WDR72: variants seen among roughly 807,000 people sequenced by gnomAD.
The protein encoded by WDR72 is WD repeat domain 72.
A neutral mutation model predicts 124.2 loss-of-function variants in WDR72; 120 were observed. That is an observed-to-expected ratio of 0.97 (90% CI 0.83 to 1.12). WDR72 has a LOEUF of 1.12. Among genes scored for constraint, WDR72 ranks in the 50% most tolerant of loss-of-function variants. The pLI, the probability that WDR72 is intolerant of heterozygous loss-of-function variation, is 0.00. For missense variants in WDR72, 1,387 were observed against 1,278.8 expected, an observed-to-expected ratio of 1.08 and a Z score of -1.29; for synonymous variants, 452 against 441.7, an observed-to-expected ratio of 1.02 and a Z score of -0.29.
At chr15:53,518,651 C>T (rs1399082139) in intron 19 of WDR72, among the ~76,000 whole-genome samples, 3 of 151,826 alleles carry the variant, frequency 2.0e-5, no homozygotes, top group African/African-American at 7.3e-5. Context: ...ACACATTCCA[C>T]ATTTTTTCTG....
At chr15:53,522,006 C>A (rs779543664) in intron 19 of WDR72, among the ~76,000 whole-genome samples, 24 of 151,920 alleles carry the variant, frequency 1.6e-4, no homozygotes, top group Non-Finnish European at 2.8e-4. Context: ...GCTAAAGATG[C>A]CATTTCTCAG....
At chr15:53,686,262 T>G (rs1233538075) in intron 13 of WDR72, among the ~76,000 whole-genome samples, 1 of 152,014 alleles carries the variant, frequency 6.6e-6, no homozygotes, top group Non-Finnish European at 1.5e-5. Context: ...AGACACAGAC[T>G]GGCAAATTGG....
At chr15:53,534,263 G>A (rs574291131) in intron 18 of WDR72, among the ~76,000 whole-genome samples, 10 of 152,042 alleles carry the variant, frequency 6.6e-5, no homozygotes, top group Non-Finnish European at 1.5e-4. Context: ...TACTTTATTT[G>A]CACTGAATGT....
intron 18 of WDR72, among the ~76,000 whole-genome samples, chr15:53,573,945 C>G (rs923097302): frequency 6.6e-6 from 1 of 152,184 alleles, no homozygotes; most frequent in Non-Finnish European, 1.5e-5. Context: ...GGATATTAAA[C>G]ATATCCTCTG....
intron 2 of WDR72, among the ~76,000 whole-genome samples, chr15:53,725,770 T>C (rs2018005308): frequency 1.3e-5 from 2 of 152,090 alleles, no homozygotes; most frequent in Non-Finnish European, 2.9e-5. Context: ...AATAAAAACA[T>C]TAGTGGTTGT....
chr15:53,694,715 A>C (rs2016949582), intron 13 of WDR72, among the ~76,000 whole-genome samples: 1 of 152,180 alleles, frequency 6.6e-6, no homozygotes, highest in African/African-American at 2.4e-5. Flanking sequence ...GGACCTTCAA[A>C]CTCACAAAAC....
intron 13 of WDR72, among the ~76,000 whole-genome samples, chr15:53,671,964 A>T (rs2016005339): frequency 6.7e-6 from 1 of 148,888 alleles, no homozygotes; most frequent in Non-Finnish European, 1.5e-5. Context: ...GAGAGGAGAG[A>T]TGGGGAGAAG....
At chr15:53,611,708 C>T (rs1414606292) in intron 16 of WDR72, among the ~76,000 whole-genome samples, 1 of 151,500 alleles carries the variant, frequency 6.6e-6, no homozygotes, top group East Asian at 1.9e-4. Flanking sequence ...TAGCTGTTTG[C>T]CTATGAGTCA....
chr15:53,726,859 C>T (rs1399150488), intron 2 of WDR72, among the ~76,000 whole-genome samples: 2 of 151,456 alleles, frequency 1.3e-5, no homozygotes, highest in Non-Finnish European at 2.9e-5. Context: ...AAAACAAACA[C>T]CCAATTTTAA....
At position 53,536,362 on chromosome 15, in the gene WDR72, T is replaced by C. The variant is rs560090846; in HGVS notation, c.3149-13040A>G. Among the ~76,000 whole-genome samples, 29 of 152,282 alleles carry C rather than the reference T, an allele frequency of 1.9e-4. No homozygotes were observed. In the South Asian group the frequency reaches 5.8e-3, roughly 30 times the overall value. The stretch of plus-strand genomic sequence containing the variant: ...ACAGCTGGTAGTTCTAAGGTTAAGT[T>C]GTTGAATGGTTGGATTGGCAAGATG... On this transcript the variant is annotated intron_variant, in intron 18 of 19. Transcript: ENST00000360509.
At chr15:53,518,858 T>C (rs1288999292) in intron 19 of WDR72, among the ~76,000 whole-genome samples, 1 of 152,020 alleles carries the variant, frequency 6.6e-6, no homozygotes, top group African/African-American at 2.4e-5. Flanking sequence ...CTCATGCAAA[T>C]GTAATATTGA....
intron 18 of WDR72, among the ~76,000 whole-genome samples, chr15:53,537,606 C>A (rs543319198): frequency 2.3e-4 from 35 of 152,246 alleles, no homozygotes; most frequent in African/African-American, 7.9e-4. Context: ...GGGCAAGAAA[C>A]TGTTGTTACA....
chr15:53,514,152 C>CT lies in WDR72; in HGVS notation c.*3546dup, dbSNP rs1891316191. 6.6e-6 allele frequency: 1 copy of CT among 152,132 alleles called. No individual in the cohort carries two copies. The allele number at this position is 152,132 out of a possible 1,614,324, so 9.4% of individuals were successfully genotyped here. On this transcript the variant is annotated 3_prime_UTR_variant, in exon 20 of 20. Transcript: ENST00000360509. ...TAATTTTTTAAAATTACAAAAAACA[C>CT]TAAGTATTATGCAAATGTTTACAAA...
chr15:53,559,476 C>T (rs1471716967), intron 18 of WDR72, among the ~76,000 whole-genome samples: 2 of 152,034 alleles, frequency 1.3e-5, no homozygotes, highest in Admixed American at 6.6e-5. Context: ...TTTCCTTGCC[C>T]TGTCATTGAC....
rs8040311 is a variant in WDR72, at chr15:53,594,830, C to A, written c.3148+2249G>T. On this transcript the variant is annotated intron_variant, in intron 18 of 19. Transcript: ENST00000360509. ...ATCCTATCAAGTAAGGCACTACATG[C>A]CACTGTAATGAAAGTATAAAAACAT... is the stretch of plus-strand genomic sequence containing the variant. Among the ~76,000 whole-genome samples the A allele has an allele frequency of 3.7e-3, 548 of 147,810 alleles. 4 individuals are homozygous for A. The highest frequency in any genetic ancestry group is 0.013 in the African/African-American group (528 of 40,328).
At chr15:53,589,580 C>T (rs1009592333) in intron 18 of WDR72, among the ~76,000 whole-genome samples, 2 of 149,790 alleles carry the variant, frequency 1.3e-5, no homozygotes, top group African/African-American at 4.8e-5. Context: ...AACAATAGTG[C>T]AAAACACATT....
chr15:53,557,563 T>A (rs1441218648), intron 18 of WDR72, among the ~76,000 whole-genome samples: 7 of 152,042 alleles, frequency 4.6e-5, no homozygotes, highest in African/African-American at 1.7e-4. Flanking sequence ...ACGAGCAATG[T>A]ATGCCAGAAG....
At chr15:53,593,171 G>A (rs535500005) in intron 18 of WDR72, among the ~76,000 whole-genome samples, 69 of 152,178 alleles carry the variant, frequency 4.5e-4, no homozygotes, top group African/African-American at 1.4e-3. Flanking sequence ...TGAGGGTTGA[G>A]ATGGCAATAA....
chr15:53,520,770 G>A (rs1891748955), intron 19 of WDR72, among the ~76,000 whole-genome samples: 1 of 151,954 alleles, frequency 6.6e-6, no homozygotes, highest in Non-Finnish European at 1.5e-5. Flanking sequence ...GCTTTGAAAA[G>A]TGAAAAGTCA....
Sources: allele counts gnomAD v4.1 joint callset (sites outside exome capture counted in the v4.1 genomes callset), GRCh38; gene constraint gnomAD v4.1.1; transcripts MANE v1.5; gene names NCBI Gene and HGNC (gene_info 2026-07-23, HGNC 2026-07-21).